Variants in EVC2 observed in about 807,000 individuals in gnomAD.
The protein encoded by EVC2 is limbin.
EVC2 carries 148 observed loss-of-function variants against 149.3 expected under a neutral mutation model. The observed-to-expected ratio is 0.99, with a 90% CI of 0.87 to 1.14. The LOEUF is 1.14. EVC2 is among the 50% of genes most tolerant of loss of function. The pLI is 0.00. For synonymous variants in EVC2, 776 were observed against 649.9 expected, an observed-to-expected ratio of 1.19 and a Z score of -2.95; for missense variants, 1,854 against 1,627.3, an observed-to-expected ratio of 1.14 and a Z score of -2.40.
At chr4:5,552,031 G>A (rs11722629) in intron 21 of EVC2, among the ~76,000 whole-genome samples, 18,269 of 152,056 alleles carry the variant, frequency 0.12, 1,296 homozygotes, top group South Asian at 0.31. Flanking sequence ...CTTTATCAGC[G>A]GCGTGAAAAT....
chr4:5,640,789 G>C lies in EVC2; in HGVS notation c.1195C>G (p.Arg399Gly), dbSNP rs137852924. 6.2e-7 allele frequency: 1 copy of C among 1,614,136 alleles called. No individual in the cohort carries two copies. Among genetic ancestry groups the C allele is most frequent in the Non-Finnish European group, 8.5e-7 (1 of 1,180,030 alleles). ...ATGATATCCTTGCTGATTTGTGTTC[G>C]ACAAGCCTCCAGATCTGCATCTGCC... ...NRADADLEACRTQISKDIIAL... is the reference protein window; with the variant it reads ...NRADADLEACGTQISKDIIAL... Residue 399 changes from arginine (R) to glycine (G), a missense_variant, in exon 10 of 22, where the codon CGA becomes GGA. By Grantham distance (125) the Arg-to-Gly change is moderately radical. Transcript: ENST00000344408. The surrounding 1 kb of genome is among the most constrained non-coding windows in gnomAD (Gnocchi z 4.6).
intron 10 of EVC2, among the ~76,000 whole-genome samples, chr4:5,635,076 G>A (rs566037353): frequency 5.0e-4 from 55 of 109,572 alleles, no homozygotes; most frequent in Admixed American, 1.7e-3. Context: ...TCACTCTTTC[G>A]CCCAGGCTGG....
chr4:5,575,305 T>C (rs1239502946), intron 18 of EVC2, among the ~76,000 whole-genome samples: 1 of 152,198 alleles, frequency 6.6e-6, no homozygotes, highest in African/African-American at 2.4e-5. Flanking sequence ...CTTCTGCAAG[T>C]GCAACTCAAA....
intron 9 of EVC2, among the ~76,000 whole-genome samples, chr4:5,651,128 T>G (rs538312353): frequency 6.6e-6 from 1 of 151,474 alleles, no homozygotes; most frequent in African/African-American, 2.4e-5. Flanking sequence ...GACGGAGGGA[T>G]AGATGAATGA....
intron 16 of EVC2, among the ~76,000 whole-genome samples, chr4:5,592,888 C>A (rs989562516): frequency 1.3e-5 from 2 of 152,136 alleles, no homozygotes; most frequent in African/African-American, 4.8e-5. Context: ...TGTCCCCACC[C>A]AAATCACATC....
chr4:5,704,526 G>C (rs919108723), intron 1 of EVC2, among the ~76,000 whole-genome samples: 1 of 152,094 alleles, frequency 6.6e-6, no homozygotes, highest in African/African-American at 2.4e-5. Context: ...GAAGGTCTTG[G>C]CTGGAGATGG....
At chr4:5,555,044 C>G (rs551401940) in intron 21 of EVC2, among the ~76,000 whole-genome samples, 9 of 127,408 alleles carry the variant, frequency 7.1e-5, no homozygotes, top group African/African-American at 1.5e-4. Flanking sequence ...GTGTGTGTGT[C>G]TCTGCACATG....
chr4:5,691,396 A>G lies in EVC2; in HGVS notation c.451-63T>C, dbSNP rs1351552214. On this transcript the variant is annotated intron_variant, in intron 3 of 21. Transcript: ENST00000344408. The stretch of plus-strand genomic sequence containing the variant: ...TATTTCATGCTATACATATTTAATA[A>G]AAGTACAAGATAATGAAATTTTTAC... 4.7e-5 allele frequency: 64 copies of G among 1,358,120 alleles called. No homozygotes were observed. The South Asian group carries it at 5.9e-4, about 12-fold the overall frequency. 84.1% of individuals were successfully genotyped at this position (1,358,120 alleles called of 1,614,324 possible). A position where few individuals can be genotyped will look rare whatever the true frequency, so the allele number is the denominator to read the frequency against.
At chr4:5,593,098 T>C (rs1308551164) in intron 16 of EVC2, among the ~76,000 whole-genome samples, 1 of 152,198 alleles carries the variant, frequency 6.6e-6, no homozygotes, top group Non-Finnish European at 1.5e-5. Flanking sequence ...ACTTCTGCCA[T>C]GATTGTAAGT....
chr4:5,566,861 G>A (rs755205963), intron 20 of EVC2, among the ~76,000 whole-genome samples: 9 of 152,236 alleles, frequency 5.9e-5, no homozygotes, highest in Middle Eastern at 3.4e-3. Context: ...AGCCACACAC[G>A]TTCCTACTCC....
At chr4:5,597,378 T>G (rs1471136223) in intron 16 of EVC2, among the ~76,000 whole-genome samples, 7 of 152,302 alleles carry the variant, frequency 4.6e-5, no homozygotes, top group Admixed American at 4.6e-4. Context: ...CATGATCAAG[T>G]GGGCTTCATC....
In EVC2 at chr4:5,568,377, T is replaced by C. The variant is rs12508361; in HGVS notation, c.3557+67A>G. On this transcript the variant is annotated intron_variant, in intron 20 of 21. Coordinates refer to ENST00000344408, the MANE Select transcript of EVC2 (RefSeq NM_147127.5). The stretch of plus-strand genomic sequence containing the variant: ...AAAATACATGGGCCTCCCATGACCT[T>C]GAGGACTCATGGGGACCCTTGTGGA... 485,243 of 1,473,414 alleles carry C rather than the reference T, an allele frequency of 0.33. 89,418 individuals carry two copies. The highest frequency in any genetic ancestry group is 0.87 in the East Asian group (35,132 of 40,200). The allele number at this position is 1,473,414 out of a possible 1,614,324, so 91.3% of individuals were successfully genotyped here.
intron 16 of EVC2, among the ~76,000 whole-genome samples, chr4:5,604,019 C>T (rs999298755): frequency 6.6e-6 from 1 of 152,116 alleles, no homozygotes; most frequent in Non-Finnish European, 1.5e-5. Flanking sequence ...CTACCATGTA[C>T]CAGCTTTGTG....
chr4:5,690,405 G>GT (rs1165240823), intron 4 of EVC2, among the ~76,000 whole-genome samples: 16,632 of 141,500 alleles, frequency 0.12, 1,102 homozygotes, highest in East Asian at 0.24. Flanking sequence ...GTGGGTTGTT[G>GT]TTTTTTTTTT....
At position 5,616,498 on chromosome 4, in the gene EVC2, G is replaced by C. The variant is rs370711060; in HGVS notation, c.2707-954C>G. Among the ~76,000 whole-genome samples the C allele has an allele frequency of 3.3e-5, 5 of 152,338 alleles. No homozygotes were observed. In the East Asian group the frequency reaches 7.7e-4, roughly 24 times the overall value. On this transcript the variant is annotated intron_variant, in intron 15 of 21. Transcript: ENST00000344408. ...TGGTGAAGAAATGCAGGGGTTCCCTGGTGGTGACACAACGGTGGGTGAGAA... is the reference window on the plus strand; with the variant it reads ...TGGTGAAGAAATGCAGGGGTTCCCTCGTGGTGACACAACGGTGGGTGAGAA...
At chr4:5,630,279 T>C (rs751982225) in intron 11 of EVC2, among the ~76,000 whole-genome samples, 2 of 152,190 alleles carry the variant, frequency 1.3e-5, no homozygotes, top group Admixed American at 6.5e-5. Flanking sequence ...GGCCTGGTAC[T>C]AGCTGCAGGT....
chr4:5,540,752 CA>C (rs112875580), downstream of EVC2, among the ~76,000 whole-genome samples: 4 of 152,284 alleles, frequency 2.6e-5, 1 homozygote, highest in African/African-American at 7.2e-5. Flanking sequence ...GATGGTTTCA[CA>C]GTCATATCCA....
intron 4 of EVC2, 34 bp downstream of exon 4, chr4:5,691,231 T>G (rs1245215331): frequency 6.3e-7 from 1 of 1,585,404 alleles, no homozygotes; most frequent in South Asian, 1.1e-5. Flanking sequence ...CCAATTATTT[T>G]CTCTTCAAAT....
rs2151722528 is a variant in EVC2 at position 5,679,915 on chromosome 4, T to C, written c.870+1345A>G. On this transcript the variant is annotated intron_variant, in intron 7 of 21. Transcript: ENST00000344408. This position sits in a 1 kb window ranked among gnomAD's most constrained non-coding sequence, Gnocchi z 5.1. The stretch of plus-strand genomic sequence containing the variant: ...CAGCTATACAAAAATAGTTCCTTTC[T>C]TTATATCCTTACTCTGTAAGCTTTC... Among the ~76,000 whole-genome samples the C allele has an allele frequency of 6.6e-6, 1 of 152,334 alleles. No homozygotes were observed. The highest frequency in any genetic ancestry group is 1.9e-4 in the East Asian group (1 of 5,190).
Sources: gnomAD v4.1 joint callset for allele counts (sites outside exome capture counted in the v4.1 genomes callset) on GRCh38, gnomAD v4.1.1 for gene constraint, Gnocchi (gnomAD v3.1) non-coding constraint, MANE v1.5 for transcripts, NCBI Gene and HGNC (gene_info 2026-07-23, HGNC 2026-07-21) for gene names.